Variants in ERC2 observed in about 807,000 individuals in gnomAD.
ERC2 encodes the protein ELKS/RAB6-interacting/CAST family member 2.
ERC2 carries 42 observed loss-of-function variants against 114.8 expected under a neutral mutation model. The ratio of observed to expected loss-of-function variants is 0.37; its 90% CI spans 0.29 to 0.47. The LOEUF (loss-of-function observed/expected upper bound fraction) is 0.47, where lower values mean the gene tolerates loss of function less well. Among genes scored for constraint, ERC2 ranks in the 20% least tolerant of loss-of-function variants. The pLI, the probability that ERC2 is intolerant of heterozygous loss-of-function variation, is 0.99. For synonymous variants in ERC2, 454 were observed against 425.5 expected (o/e 1.07, Z -0.82); for missense variants, 939 against 1,150.7 (o/e 0.82, Z 2.66).
chr3:56,378,522 G>A (rs1343744101), intron 2 of ERC2, among the ~76,000 whole-genome samples: 1 of 146,288 alleles, frequency 6.8e-6, no homozygotes, highest in East Asian at 2.0e-4. Flanking sequence ...GTATACATAT[G>A]TAACTAACCT....
At chr3:56,095,585 C>G (rs1401129171) in intron 6 of ERC2, among the ~76,000 whole-genome samples, 2 of 152,316 alleles carry the variant, frequency 1.3e-5, no homozygotes, top group East Asian at 3.9e-4. Flanking sequence ...TAAATGCCTC[C>G]TTCATGCTCA....
chr3:56,449,132 C>T (rs1421044723), intron 1 of ERC2, among the ~76,000 whole-genome samples: 1 of 150,756 alleles, frequency 6.6e-6, no homozygotes, highest in Admixed American at 6.6e-5. Flanking sequence ...AGTTTGCTGA[C>T]ACCTGATCTG....
chr3:55,548,382 A>G, intron 17 of ERC2, among the ~76,000 whole-genome samples: 1 of 152,248 alleles, frequency 6.6e-6, no homozygotes, highest in Non-Finnish European at 1.5e-5. Flanking sequence ...CAGTTGTTAC[A>G]GGAGATGTAA....
chr3:55,728,866 T>C (rs2065079225), intron 15 of ERC2, among the ~76,000 whole-genome samples: 1 of 152,174 alleles, frequency 6.6e-6, no homozygotes, highest in Non-Finnish European at 1.5e-5. Flanking sequence ...TCAGCCCTAC[T>C]CCCACACTAC....
chr3:56,459,687 C>T (rs2063224324), intron 1 of ERC2, among the ~76,000 whole-genome samples: 1 of 152,278 alleles, frequency 6.6e-6, no homozygotes, highest in Admixed American at 6.5e-5. Context: ...TCACAGATGC[C>T]CTTCCAACTC....
Position 56,328,166 on chromosome 3 carries a change from C to T in ERC2, c.658-31731G>A, listed in dbSNP as rs77899217. ...AGAGTAAGTATGACCAGGGAGGGCT[C>T]CATGCAGAAGACCGAAATTTGGTTA... On this transcript the variant is annotated intron_variant, in intron 2 of 17. Transcript: ENST00000288221. Among the ~76,000 whole-genome samples the T allele has an allele frequency of 2.3e-3, 354 of 152,166 alleles. 1 individual carries two copies. The highest frequency in any genetic ancestry group is 4.4e-3 in the Non-Finnish European group (298 of 68,008).
intron 15 of ERC2, among the ~76,000 whole-genome samples, chr3:55,726,324 C>T (rs1214836973): frequency 6.6e-6 from 1 of 152,220 alleles, no homozygotes; most frequent in Non-Finnish European, 1.5e-5. Flanking sequence ...TCCTCTACTG[C>T]TGTTTAACTG....
intron 3 of ERC2, among the ~76,000 whole-genome samples, chr3:56,256,662 C>T (rs945088236): frequency 2.6e-5 from 4 of 151,902 alleles, no homozygotes; most frequent in Admixed American, 6.6e-5. Flanking sequence ...TCCCACATGT[C>T]GAGGGAGGGA....
At chr3:56,228,585 T>A (rs572687134) in intron 3 of ERC2, among the ~76,000 whole-genome samples, 5 of 152,234 alleles carry the variant, frequency 3.3e-5, no homozygotes, top group Admixed American at 6.5e-5. Context: ...TATCACCTTT[T>A]GTTTTGCCAT....
intron 17 of ERC2, among the ~76,000 whole-genome samples, chr3:55,668,512 G>A (rs919409642): frequency 5.3e-5 from 8 of 152,194 alleles, no homozygotes; most frequent in Non-Finnish European, 1.0e-4. Context: ...TCATGACTTG[G>A]ATTCCATGGC....
chr3:55,862,174 A>ATG (rs544865371), intron 14 of ERC2, among the ~76,000 whole-genome samples: 206 of 152,020 alleles, frequency 1.4e-3, no homozygotes, highest in Admixed American at 2.4e-3. Context: ...TATTTTATGT[A>ATG]TGTGTGTGTG....
chr3:56,370,365 C>T (rs1052781036), intron 2 of ERC2, among the ~76,000 whole-genome samples: 1 of 152,118 alleles, frequency 6.6e-6, no homozygotes, highest in Non-Finnish European at 1.5e-5. Flanking sequence ...TTCTTGTTGG[C>T]TGGTCGTGGT....
chr3:56,246,121 CT>C (rs2051689842), intron 3 of ERC2, among the ~76,000 whole-genome samples: 1 of 143,684 alleles, frequency 7.0e-6, no homozygotes, highest in Non-Finnish European at 1.5e-5. Context: ...AAAAACTCAT[CT>C]TCATGAATTG....
intron 16 of ERC2, among the ~76,000 whole-genome samples, chr3:55,684,470 A>T (rs1169570577): frequency 6.6e-6 from 1 of 152,192 alleles, no homozygotes; most frequent in African/African-American, 2.4e-5. Flanking sequence ...ATGAAAGAGG[A>T]TGCACTGGCG....
chr3:55,710,358 C>T (rs1008580156), intron 15 of ERC2, among the ~76,000 whole-genome samples: 1 of 152,260 alleles, frequency 6.6e-6, no homozygotes, highest in African/African-American at 2.4e-5. Context: ...TAACTTACCC[C>T]CCCAAAGAAG....
chr3:56,302,791 G>T (rs909089641), intron 2 of ERC2, among the ~76,000 whole-genome samples: 1 of 152,192 alleles, frequency 6.6e-6, no homozygotes, highest in African/African-American at 2.4e-5. Flanking sequence ...CATCACTGTG[G>T]TCTCAACTTC....
intron 3 of ERC2, among the ~76,000 whole-genome samples, chr3:56,199,733 C>A (rs889219174): frequency 6.6e-6 from 1 of 151,974 alleles, no homozygotes; most frequent in African/African-American, 2.4e-5. Context: ...GCTCTGGAAC[C>A]CCTGGGCTCA....
At chr3:56,452,964 C>T (rs1451622172) in intron 1 of ERC2, among the ~76,000 whole-genome samples, 1 of 152,136 alleles carries the variant, frequency 6.6e-6, no homozygotes. Context: ...CCCTTTCTTC[C>T]TCATGAGTAA....
chr3:55,781,468 T>A (rs751862009), intron 14 of ERC2, among the ~76,000 whole-genome samples: 9 of 151,986 alleles, frequency 5.9e-5, no homozygotes, highest in Non-Finnish European at 1.2e-4. Flanking sequence ...TTCAAGTTCA[T>A]AGTGCATTCA....
Sources: allele counts gnomAD v4.1 joint callset (sites outside exome capture counted in the v4.1 genomes callset), GRCh38; gene constraint gnomAD v4.1.1; transcripts MANE v1.5; gene names NCBI Gene and HGNC (gene_info 2026-07-23, HGNC 2026-07-21).